PLXNA3: variants seen among roughly 807,000 people sequenced by gnomAD.
PLXNA3 encodes the protein plexin A3.
Under a neutral mutation model 118.8 loss-of-function variants are expected in PLXNA3, and 52 were observed. That is an observed-to-expected ratio of 0.44 (90% CI 0.35 to 0.55). PLXNA3 has a LOEUF of 0.55. PLXNA3 is among the 20% of genes least tolerant of loss of function. The pLI, the probability that PLXNA3 is intolerant of heterozygous loss-of-function variation, is 0.01. For synonymous variants in PLXNA3, 925 were observed against 762.4 expected (o/e 1.21, Z -3.51); for missense variants, 1,660 against 1,730.8 (o/e 0.96, Z 0.73).
Position 154,460,772 on chromosome X carries a change from A to C in PLXNA3, c.589A>C (p.Ser197Arg). 1.2e-5 allele frequency: 13 copies of C among 1,102,945 alleles called. No individual in the cohort carries two copies. Among genetic ancestry groups the C allele is most frequent in the Non-Finnish European group, 1.4e-5 (12 of 839,857 alleles). 90.9% of individuals were successfully genotyped at this position (1,102,945 alleles called of 1,213,427 possible). Residue 197 changes from serine (S) to arginine (R), a missense_variant, in exon 2 of 33, where the codon AGT (serine) becomes CGT (arginine). Around this residue, in one of 2 missense-constraint regions of PLXNA3, gnomAD observed 791 missense variants for 652.1 expected, o/e 1.21. Transcript: ENST00000369682. The part of the protein sequence containing the change: ...ISDEDSADMF[S>R]LVYQDEFVSS... ...TGATGAAGACAGCGCGGACATGTTC[A>C]GTCTCGTGCGTGAGCCTTCCTTCTC... is the stretch of plus-strand genomic sequence containing the variant.
At chrX:154,471,698 A>G in intron 32 of PLXNA3, 60 bp downstream of exon 32, 1 of 1,089,926 alleles carries the variant, frequency 9.2e-7, no homozygotes. Flanking sequence ...CCAGTGACAA[A>G]GGCAGGAGGG....
At position 154,465,008 on chromosome X, in the gene PLXNA3, T is replaced by C; in HGVS notation, c.2044-10T>C. 1 of 1,183,584 alleles carries C rather than the reference T, an allele frequency of 8.4e-7. No individual in the cohort carries two copies. Among genetic ancestry groups the C allele is most frequent in the Non-Finnish European group, 1.1e-6 (1 of 878,857 alleles). ...GCCCTGTGTGCAGCTGACAGGTGCTTTCCCCGCAGGGCTGCCCTGAGATCC... is the reference window on the plus strand; with the variant it reads ...GCCCTGTGTGCAGCTGACAGGTGCTCTCCCCGCAGGGCTGCCCTGAGATCC... On this transcript the variant is annotated splice_polypyrimidine_tract_variant and intron_variant, in intron 10 of 32. Coordinates refer to ENST00000369682, the MANE Select transcript of PLXNA3 (RefSeq NM_017514.5).
intron 1 of PLXNA3, among the ~76,000 whole-genome samples, chrX:154,459,565 C>CT (rs1310011881): frequency 2.7e-5 from 3 of 112,477 alleles, no homozygotes; most frequent in African/African-American, 9.7e-5. Context: ...CGCGACTTGG[C>CT]TTTGTGTTGC....
chrX:154,465,764 C>T lies in PLXNA3; in HGVS notation c.2449C>T (p.Arg817Trp), dbSNP rs370420317. The T allele has an allele frequency of 8.3e-6, 10 of 1,208,344 alleles. No homozygotes were observed. In the African/African-American group the frequency reaches 1.0e-4, roughly 13 times the overall value. The stretch of plus-strand genomic sequence containing the variant: ...CATCTCAGAGCACAGGTGCCAGCTG[C>T]GGACCCACTGCCCGGCCCCGAAGAC... ...WCISEHRCQLRTHCPAPKTNW... is the reference protein window; with the variant it reads ...WCISEHRCQLWTHCPAPKTNW... The change falls in exon 13 of 33, where the codon CGG becomes TGG. Residue 817 changes from arginine to tryptophan, a missense_variant. Coordinates refer to ENST00000369682, the MANE Select transcript of PLXNA3 (RefSeq NM_017514.5).
rs782513809 is a variant in PLXNA3, at chrX:154,461,362, C to T, written c.858C>T (p.Gly286=). ...VEFPIGCSWR[G]VEYRLVQSAH... ...TCCCCATCGGCTGCTCCTGGCGCGG[C>T]GTGGAGTACCGCTTGGTGCAGAGCG... The change falls in exon 3 of 33, where the codon GGC becomes GGT. Residue 286 remains glycine, a synonymous_variant. Transcript: ENST00000369682. 1.2e-4 allele frequency: 151 copies of T among 1,211,155 alleles called. No individual in the cohort carries two copies. Among genetic ancestry groups the T allele is most frequent in the Admixed American group, 2.2e-4 (10 of 46,103 alleles).
At position 154,460,549 on chromosome X, in the gene PLXNA3, C is replaced by A; in HGVS notation, c.366C>A (p.Phe122Leu). 1 of 1,210,049 alleles carries A rather than the reference C, an allele frequency of 8.3e-7. No individual in the cohort carries two copies. The highest frequency in any genetic ancestry group is 1.1e-6 in the Non-Finnish European group (1 of 894,575). The change falls in exon 2 of 33, where the codon TTC becomes TTA. Residue 122 changes from phenylalanine to leucine, a missense_variant. Physicochemically the swap from Phe to Leu is conservative, Grantham distance 22. Coordinates refer to ENST00000369682, the MANE Select transcript of PLXNA3 (RefSeq NM_017514.5). ...CGSIWQGICQ[F>L]LRLDDLFKLG... ...GCATCTGGCAGGGCATCTGCCAGTTCCTGCGTCTGGACGACCTCTTCAAGC... is the reference window on the plus strand; with the variant it reads ...GCATCTGGCAGGGCATCTGCCAGTTACTGCGTCTGGACGACCTCTTCAAGC...
Position 154,472,829 on chromosome X carries a change from C to A in PLXNA3, c.*144C>A. 1 of 460,817 alleles carries A rather than the reference C, an allele frequency of 2.2e-6. No homozygotes were observed. Among genetic ancestry groups the A allele is most frequent in the Non-Finnish European group, 3.9e-6 (1 of 253,842 alleles). The allele number at this position is 460,817 out of a possible 1,213,427, so 38.0% of individuals were successfully genotyped here. ...GTCACCCTGGCCACGATGCCCCCGG[C>A]ACACCCAGGCCCCCTTCATTAGTGC... On this transcript the variant is annotated 3_prime_UTR_variant, in exon 33 of 33. Coordinates refer to ENST00000369682, the MANE Select transcript of PLXNA3 (RefSeq NM_017514.5).
At position 154,472,624 on chromosome X, in the gene PLXNA3, G is replaced by A. The variant is rs1569554800; in HGVS notation, c.5555G>A (p.Arg1852Gln). The stretch of plus-strand genomic sequence containing the variant: ...GCTCTGGACCGAGATGCCTCTTGTC[G>A]GAAGCATAAGTTGCGGCAGAAACTG... ...LTALDRDASCRKHKLRQKLEQ... is the reference protein window; with the variant it reads ...LTALDRDASCQKHKLRQKLEQ... Residue 1852 changes from arginine (R) to glutamine (Q), a missense_variant, in exon 33 of 33, where the codon CGG becomes CAG. By Grantham distance (43) the Arg-to-Gln change is conservative. This residue lies in a region of PLXNA3 where 869 missense variants were observed against 1,078.7 expected (regional missense o/e 0.81). Coordinates refer to ENST00000369682, the MANE Select transcript of PLXNA3 (RefSeq NM_017514.5). 22 of 1,208,958 alleles carry A rather than the reference G, an allele frequency of 1.8e-5. No individual in the cohort carries two copies. Among genetic ancestry groups the A allele is most frequent in the South Asian group, 3.5e-5 (2 of 56,890 alleles).
Position 154,460,380 on chromosome X carries a change from A to G in PLXNA3, c.197A>G (p.His66Arg). ...LAPNLTELRA[H>R]VTGPVEDNAR... ...CCCAACCTGACTGAGCTGCGGGCCC[A>G]TGTCACGGGGCCCGTCGAGGACAAC... The change falls in exon 2 of 33, where the codon CAT (histidine) becomes CGT (arginine). Residue 66 changes from histidine (H) to arginine (R), a missense_variant. By Grantham distance (29) the His-to-Arg change is conservative. This residue lies in a region of PLXNA3 where 791 missense variants were observed against 652.1 expected (regional missense o/e 1.21). Coordinates refer to ENST00000369682, the MANE Select transcript of PLXNA3 (RefSeq NM_017514.5). The G allele has an allele frequency of 8.3e-7, 1 of 1,208,580 alleles. No individual in the cohort carries two copies. The highest frequency in any genetic ancestry group is 2.2e-5 in the Admixed American group (1 of 45,949).
In PLXNA3 at chrX:154,477,718, C is replaced by A; in HGVS notation, c.*5033C>A. 3.1e-6 allele frequency: 1 copy of A among 326,344 alleles called. No individual in the cohort carries two copies. The highest frequency in any genetic ancestry group is 5.3e-6 in the Non-Finnish European group (1 of 187,273). The allele number at this position is 326,344 out of a possible 1,213,427, so 26.9% of individuals were successfully genotyped here. Reference sequence around the variant, plus strand: ...TTCTAGAACCCCCCCCCCAGCAACCCAAGCACAACAAGAATATTGGGAGGT... The same window carrying A: ...TTCTAGAACCCCCCCCCCAGCAACCAAAGCACAACAAGAATATTGGGAGGT... On this transcript the variant is annotated 3_prime_UTR_variant, in exon 33 of 33. Transcript: ENST00000369682.
chrX:154,477,373 G>A lies in PLXNA3; in HGVS notation c.*4688G>A, dbSNP rs2069243241. 1 of 112,747 alleles carries A rather than the reference G, an allele frequency of 8.9e-6. No individual in the cohort carries two copies. The highest frequency in any genetic ancestry group is 1.9e-5 in the Non-Finnish European group (1 of 53,472). 9.3% of individuals were successfully genotyped at this position (112,747 alleles called of 1,213,427 possible). A position where few individuals can be genotyped will look rare whatever the true frequency, so the allele number is the denominator to read the frequency against. On this transcript the variant is annotated 3_prime_UTR_variant, in exon 33 of 33. Coordinates refer to ENST00000369682, the MANE Select transcript of PLXNA3 (RefSeq NM_017514.5). ...GAATCTATAAAAGAGCCCTAAGGCT[G>A]GAGACACTGTATTTTCCAGGGAGCC...
chrX:154,464,919 C>T, intron 10 of PLXNA3, 51 bp downstream of exon 10: 1 of 1,074,155 alleles, frequency 9.3e-7, no homozygotes, highest in Non-Finnish European at 1.3e-6. Flanking sequence ...GCGGGCGGGG[C>T]CACCGGCTTC....
In PLXNA3 at chrX:154,470,456, G is replaced by T. The variant is rs781805857; in HGVS notation, c.5001G>T (p.Lys1667Asn). The T allele has an allele frequency of 3.4e-5, 41 of 1,209,677 alleles. No individual in the cohort carries two copies. Among genetic ancestry groups the T allele is most frequent in the Non-Finnish European group, 4.6e-5 (41 of 894,766 alleles). The change falls in exon 30 of 33, where the codon AAG (lysine) becomes AAT (asparagine). Residue 1667 changes from lysine to asparagine, a missense_variant. Transcript: ENST00000369682. ...RLLATKGTLQ[K>N]FVDDLFETVF... ...GCCCCACACAGGGCACACTGCAGAA[G>T]TTCGTGGATGACCTCTTTGAGACAG...
chrX:154,469,835 T>TGG, intron 28 of PLXNA3, 51 bp downstream of exon 28: 1 of 1,134,366 alleles, frequency 8.8e-7, no homozygotes, highest in Non-Finnish European at 1.2e-6. Context: ...AACCCCCACT[T>TGG]CCAAGTGCCA....
rs782726326 is a variant in PLXNA3 at position 154,470,109 on chromosome X, G to C, written c.4928G>C (p.Gly1643Ala). 3 of 1,210,326 alleles carry C rather than the reference G, an allele frequency of 2.5e-6. No homozygotes were observed. The African/African-American group carries it at 5.2e-5, about 21-fold the overall frequency. The change falls in exon 29 of 33, where the codon GGG becomes GCG. Residue 1643 changes from glycine to alanine, a missense_variant. Transcript: ENST00000369682. Reference protein sequence around the residue: ...KNHDHADHREGDRGSKMVSEI... With the variant: ...KNHDHADHREADRGSKMVSEI... ...CACGACCATGCCGACCATCGCGAGG[G>C]GGACCGTGGCAGCAAGATGGTCTCC...
chrX:154,464,513 G>C lies in PLXNA3; in HGVS notation c.1928+12G>C. The stretch of plus-strand genomic sequence containing the variant: ...AGCGTCCTCCAGTCGTGAGTACCTG[G>C]CCAGCACCCGTCCCTACCCCTGGGG... On this transcript the variant is annotated intron_variant, in intron 9 of 32. Coordinates refer to ENST00000369682, the MANE Select transcript of PLXNA3 (RefSeq NM_017514.5). 8.5e-7 allele frequency: 1 copy of C among 1,174,084 alleles called. No homozygotes were observed. Among genetic ancestry groups the C allele is most frequent in the Non-Finnish European group, 1.2e-6 (1 of 862,197 alleles).
intron 11 of PLXNA3, 27 bp from the exon 12 acceptor site, chrX:154,465,397 G>T: frequency 8.8e-7 from 1 of 1,140,251 alleles, no homozygotes; most frequent in Middle Eastern, 2.4e-4. Flanking sequence ...CATCTTATCT[G>T]GGGTCCCATG....
Position 154,467,491 on chromosome X carries a change from G to A in PLXNA3, c.3441+20G>A, listed in dbSNP as rs782598477. 9.6e-6 allele frequency: 11 copies of A among 1,144,265 alleles called. No homozygotes were observed. The highest frequency in any genetic ancestry group is 6.3e-4 in the Middle Eastern group (2 of 3,179). The allele number at this position is 1,144,265 out of a possible 1,213,427, so 94.3% of individuals were successfully genotyped here. ...CTGAAGGTGCGGGCGGGGTGGGGGC[G>A]GGGAGGGGCGGGAAAGTGGAGAGTC... On this transcript the variant is annotated intron_variant, in intron 19 of 32. Coordinates refer to ENST00000369682, the MANE Select transcript of PLXNA3 (RefSeq NM_017514.5).
intron 32 of PLXNA3, 86 bp from the exon 33 acceptor site, chrX:154,472,504 A>AGGAG (rs2069196846): frequency 1.6e-6 from 1 of 610,289 alleles, no homozygotes; most frequent in Non-Finnish European, 2.8e-6. Flanking sequence ...TGTGGGAGGG[A>AGGAG]GGAGCCCAGC....
Sources: gnomAD v4.1 joint callset for allele counts (sites outside exome capture counted in the v4.1 genomes callset) on GRCh38, gnomAD v4.1.1 for gene constraint, gnomAD v4.1.1 regional missense constraint, MANE v1.5 for transcripts, NCBI Gene and HGNC (gene_info 2026-07-23, HGNC 2026-07-21) for gene names.